RTN1: variants seen among roughly 807,000 people sequenced by gnomAD.
The protein encoded by RTN1 is reticulon 1.
Under a neutral mutation model 65.5 loss-of-function variants are expected in RTN1, and 25 were observed. The observed-to-expected ratio is 0.38, with a 90% CI of 0.28 to 0.53. The LOEUF is 0.53. Among genes scored for constraint, RTN1 ranks in the 20% least tolerant of loss-of-function variants. The pLI, the probability that RTN1 is intolerant of heterozygous loss-of-function variation, is 0.79. For missense variants in RTN1, 983 were observed against 1,025.4 expected (o/e 0.96, Z 0.57); for synonymous variants, 471 against 447.6 (o/e 1.05, Z -0.66).
intron 1 of RTN1, among the ~76,000 whole-genome samples, chr14:59,819,475 C>T (rs1265509701): frequency 7.5e-6 from 1 of 132,854 alleles, no homozygotes; most frequent in Admixed American, 8.0e-5. Context: ...TACAATCCTC[C>T]AGCTAGACAT....
At chr14:59,811,092 T>C (rs1426066818) in intron 1 of RTN1, among the ~76,000 whole-genome samples, 1 of 152,242 alleles carries the variant, frequency 6.6e-6, no homozygotes, top group Non-Finnish European at 1.5e-5. Context: ...TCACTTGATC[T>C]ATATTTTTGA....
chr14:59,627,018 G>A (rs996481241), intron 3 of RTN1, among the ~76,000 whole-genome samples: 1 of 152,222 alleles, frequency 6.6e-6, no homozygotes, highest in East Asian at 1.9e-4. Flanking sequence ...GATAGGCAGT[G>A]AGTGCTGAGA....
intron 2 of RTN1, among the ~76,000 whole-genome samples, chr14:59,734,805 A>G (rs1160426556): frequency 6.6e-6 from 1 of 152,218 alleles, no homozygotes; most frequent in African/African-American, 2.4e-5. Flanking sequence ...CAAGTTGGAA[A>G]ACATACTTCA....
intron 5 of RTN1, 55 bp downstream of exon 5, chr14:59,605,313 C>A: frequency 3.2e-6 from 5 of 1,567,358 alleles, no homozygotes; most frequent in Non-Finnish European, 3.5e-6. Flanking sequence ...CAGTATTACA[C>A]CTTTAGGGAA....
At chr14:59,746,598 C>T (rs1367033795) in intron 1 of RTN1, 117 bp from the exon 2 acceptor site, 1 of 840,092 alleles carries the variant, frequency 1.2e-6, no homozygotes, top group South Asian at 1.9e-5. Context: ...TCCTTAAGCC[C>T]TCGGAGTTCC....
intron 3 of RTN1, among the ~76,000 whole-genome samples, chr14:59,675,977 C>G (rs1001976966): frequency 1.3e-5 from 2 of 152,156 alleles, no homozygotes; most frequent in African/African-American, 2.4e-5. Context: ...CCCCACTCCC[C>G]ATTTAATGCT....
At chr14:59,796,576 T>C (rs902140678) in intron 1 of RTN1, among the ~76,000 whole-genome samples, 5 of 152,332 alleles carry the variant, frequency 3.3e-5, no homozygotes, top group African/African-American at 9.6e-5. Context: ...TTTACATCAA[T>C]ACTTGTAGTT....
At chr14:59,832,650 T>C (rs990847101) in intron 1 of RTN1, among the ~76,000 whole-genome samples, 5 of 152,228 alleles carry the variant, frequency 3.3e-5, no homozygotes, top group African/African-American at 9.6e-5. Flanking sequence ...CTGGGCATAA[T>C]AGCACAGTTC....
chr14:59,842,466 A>G (rs899042761), intron 1 of RTN1, among the ~76,000 whole-genome samples: 1 of 152,126 alleles, frequency 6.6e-6, no homozygotes, highest in Non-Finnish European at 1.5e-5. Flanking sequence ...AATTTGAATG[A>G]CTTTTTTTTT....
chr14:59,841,643 G>GA (rs1172933183), intron 1 of RTN1, among the ~76,000 whole-genome samples: 4 of 150,818 alleles, frequency 2.7e-5, no homozygotes, highest in Non-Finnish European at 4.4e-5. Context: ...GGAGGCAGAG[G>GA]ATGCAGTGAG....
chr14:59,833,036 T>C (rs552048444), intron 1 of RTN1, among the ~76,000 whole-genome samples: 71 of 152,302 alleles, frequency 4.7e-4, no homozygotes, highest in Middle Eastern at 6.8e-3. Flanking sequence ...GGTCATTGAA[T>C]CCATTTCCTT....
intron 1 of RTN1, among the ~76,000 whole-genome samples, chr14:59,865,686 T>C (rs1405433736): frequency 1.3e-5 from 2 of 152,192 alleles, no homozygotes; most frequent in Non-Finnish European, 2.9e-5. Context: ...ACCATGTTCT[T>C]TACAATGACT....
chr14:59,746,638 T>A (rs1325191213), intron 1 of RTN1, among the ~76,000 whole-genome samples, 157 bp from the exon 2 acceptor site: 1 of 152,144 alleles, frequency 6.6e-6, no homozygotes, highest in East Asian at 1.9e-4. Context: ...ACCAGCATGT[T>A]AAATTTCCTA....
chr14:59,623,167 C>T (rs866741327), intron 3 of RTN1, among the ~76,000 whole-genome samples: 15 of 152,200 alleles, frequency 9.9e-5, no homozygotes, highest in East Asian at 5.8e-4. Flanking sequence ...ATACTATTCC[C>T]GAATGACTCC....
chr14:59,861,223 T>C (rs1887703864), intron 1 of RTN1, among the ~76,000 whole-genome samples: 1 of 152,166 alleles, frequency 6.6e-6, no homozygotes, highest in Non-Finnish European at 1.5e-5. Flanking sequence ...GGGCAGGTCT[T>C]TTCCATGCTG....
In RTN1 at chr14:59,803,868, T is replaced by C. The variant is rs1886590306; in HGVS notation, c.242-57387A>G. On this transcript the variant is annotated intron_variant, in intron 1 of 8. Coordinates refer to ENST00000267484, the MANE Select transcript of RTN1 (RefSeq NM_021136.3). This position sits in a 1 kb window ranked among gnomAD's most constrained non-coding sequence, Gnocchi z 5.6. ...TTAATTGTCTAAATGTGATTTAGGG[T>C]TTTATTTATTTATTTATGTTTACAC... 6.6e-6 allele frequency among the ~76,000 whole-genome samples: 1 copy of C among 152,036 alleles called. No homozygotes were observed. The highest frequency in any genetic ancestry group is 1.5e-5 in the Non-Finnish European group (1 of 67,998).
chr14:59,703,355 A>G (rs531596362), intron 3 of RTN1, among the ~76,000 whole-genome samples: 20 of 152,246 alleles, frequency 1.3e-4, no homozygotes, highest in Admixed American at 9.8e-4. Context: ...CCCCTTAGTG[A>G]TCAATGAGTT....
intron 3 of RTN1, among the ~76,000 whole-genome samples, chr14:59,663,333 T>C (rs1285440685): frequency 3.9e-5 from 6 of 152,020 alleles, no homozygotes; most frequent in African/African-American, 9.7e-5. Flanking sequence ...ACCTAGGACA[T>C]AGGCTTGGGC....
Position 59,741,182 on chromosome 14 carries a change from C to G in RTN1, c.1015+4526G>C, listed in dbSNP as rs73311600. ...CTTCCTTCCCCCTCCTCCAGCCAAGCCGGCCTTCCAGCTGCTCCTGGAACA... is the reference window on the plus strand; with the variant it reads ...CTTCCTTCCCCCTCCTCCAGCCAAGGCGGCCTTCCAGCTGCTCCTGGAACA... On this transcript the variant is annotated intron_variant, in intron 2 of 8. Coordinates refer to ENST00000267484, the MANE Select transcript of RTN1 (RefSeq NM_021136.3). Among the ~76,000 whole-genome samples, 245 of 152,294 alleles carry G rather than the reference C, an allele frequency of 1.6e-3. 2 individuals are homozygous for G. The highest frequency in any genetic ancestry group is 5.6e-3 in the African/African-American group (232 of 41,544).
Sources: allele counts gnomAD v4.1 joint callset (sites outside exome capture counted in the v4.1 genomes callset), GRCh38; gene constraint gnomAD v4.1.1; non-coding constraint Gnocchi (gnomAD v3.1); transcripts MANE v1.5; gene names NCBI Gene and HGNC (gene_info 2026-07-23, HGNC 2026-07-21).